The following CACNA2D3 variants were observed in gnomAD, a reference collection of about 807,000 sequenced individuals.
The protein encoded by CACNA2D3 is calcium voltage-gated channel auxiliary subunit alpha2delta 3.
In CACNA2D3, 60 loss-of-function variants were observed where a neutral mutation model predicts 160.6. That is an observed-to-expected ratio of 0.37 (90% confidence interval 0.30 to 0.46). The LOEUF (loss-of-function observed/expected upper bound fraction) is 0.46, where lower values mean the gene tolerates loss of function less well. Ranked by LOEUF, CACNA2D3 falls within the 20% of genes least tolerant of loss-of-function variation. The pLI, the probability that CACNA2D3 is intolerant of heterozygous loss-of-function variation, is 1.00. For missense variants in CACNA2D3, 1,205 were observed against 1,365.0 expected, an observed-to-expected ratio of 0.88 and a Z score of 1.85; for synonymous variants, 558 against 492.9, an observed-to-expected ratio of 1.13 and a Z score of -1.75.
intron 25 of CACNA2D3, chr3:54,894,760 C>T (rs548481218): frequency 3.0e-5 from 13 of 434,372 alleles, no homozygotes; most frequent in South Asian, 1.3e-4. Flanking sequence ...TCATGTCTAG[C>T]GAAAGAAATG....
chr3:54,956,446 T>A (rs1701895145), intron 27 of CACNA2D3, among the ~76,000 whole-genome samples: 1 of 152,208 alleles, frequency 6.6e-6, no homozygotes, highest in Non-Finnish European at 1.5e-5. Context: ...TGTCTTTGTC[T>A]TTTAAAGGCC....
At chr3:54,334,276 G>T (rs1221456744) in intron 3 of CACNA2D3, among the ~76,000 whole-genome samples, 1 of 151,912 alleles carries the variant, frequency 6.6e-6, no homozygotes, top group Non-Finnish European at 1.5e-5. Context: ...CAGTAGAGAC[G>T]GGGTTTCACC....
intron 13 of CACNA2D3, among the ~76,000 whole-genome samples, chr3:54,811,767 C>T (rs1374651872): frequency 6.6e-6 from 1 of 152,118 alleles, no homozygotes; most frequent in South Asian, 2.1e-4. Context: ...TCCCAAAGTG[C>T]TGGGAGCACA....
At chr3:54,736,439 G>T (rs926578190) in intron 11 of CACNA2D3, among the ~76,000 whole-genome samples, 3 of 151,858 alleles carry the variant, frequency 2.0e-5, no homozygotes, top group African/African-American at 7.3e-5. Flanking sequence ...TGATTTCCTA[G>T]AAGTAGGATT....
In CACNA2D3 at chr3:54,393,826, C is replaced by T. The variant is rs528116165; in HGVS notation, c.381+7052C>T. Among the ~76,000 whole-genome samples, 638 of 152,352 alleles carry T rather than the reference C, an allele frequency of 4.2e-3. 5 individuals carry two copies. The highest frequency in any genetic ancestry group is 0.014 in the African/African-American group (595 of 41,578). On this transcript the variant is annotated intron_variant, in intron 4 of 37. Transcript: ENST00000474759. ...ACACCTTGCCCTACTGGCTGAAGAA[C>T]TGTAGTACCCTGCTTCCCTAGAACT...
intron 4 of CACNA2D3, among the ~76,000 whole-genome samples, chr3:54,445,553 T>TACACACACACACAC (rs1371255357): frequency 3.0e-5 from 1 of 32,936 alleles, no homozygotes; most frequent in Non-Finnish European, 6.6e-5. Context: ...TATTTCTATG[T>TACACACACACACAC]ATACACACAC....
chr3:54,288,114 A>G lies in CACNA2D3; in HGVS notation c.205-32328A>G, dbSNP rs554854726. 1.1e-4 allele frequency among the ~76,000 whole-genome samples: 16 copies of G among 152,238 alleles called. No homozygotes were observed. In the East Asian group the frequency reaches 3.1e-3, roughly 29 times the overall value. ...AAATAGAGACCCAAAAAACCCTTCA[A>G]AAAATTAATGAATCCAGGAGCTGGT... On this transcript the variant is annotated intron_variant, in intron 2 of 37. Transcript: ENST00000474759.
chr3:54,447,282 C>T (rs1009240761), intron 4 of CACNA2D3, among the ~76,000 whole-genome samples: 3 of 151,674 alleles, frequency 2.0e-5, no homozygotes, highest in Non-Finnish European at 2.9e-5. Context: ...AATTTGTTGC[C>T]AAGAAGATTA....
chr3:54,302,469 G>C (rs1358688163), intron 2 of CACNA2D3, among the ~76,000 whole-genome samples: 4 of 152,120 alleles, frequency 2.6e-5, no homozygotes, highest in Non-Finnish European at 5.9e-5. Flanking sequence ...AATTCGGCAA[G>C]GTCCCAAGTA....
At chr3:54,781,627 C>T (rs1300896794) in intron 13 of CACNA2D3, among the ~76,000 whole-genome samples, 1 of 152,122 alleles carries the variant, frequency 6.6e-6, no homozygotes, top group Non-Finnish European at 1.5e-5. Flanking sequence ...GTGAACAATC[C>T]AAGCCAATTC....
intron 3 of CACNA2D3, among the ~76,000 whole-genome samples, chr3:54,350,984 T>C (rs1698548257): frequency 2.3e-5 from 1 of 42,844 alleles, no homozygotes; most frequent in Non-Finnish European, 4.8e-5. Context: ...TTTTTTTTGT[T>C]TGTTTTTTTT....
intron 11 of CACNA2D3, among the ~76,000 whole-genome samples, chr3:54,651,398 T>C (rs1386500519): frequency 6.7e-6 from 1 of 149,254 alleles, no homozygotes; most frequent in Non-Finnish European, 1.5e-5. Flanking sequence ...TGCTGTGTAC[T>C]GTGCGTTTTA....
chr3:54,505,073 G>A (rs941041714), intron 5 of CACNA2D3, among the ~76,000 whole-genome samples: 47 of 152,086 alleles, frequency 3.1e-4, no homozygotes, highest in African/African-American at 9.9e-4. Context: ...TTTTTCTTAC[G>A]CGTGTTGGAT....
intron 32 of CACNA2D3, among the ~76,000 whole-genome samples, chr3:55,005,266 C>G (rs1559461284): frequency 6.6e-6 from 1 of 151,492 alleles, no homozygotes; most frequent in African/African-American, 2.4e-5. Context: ...ACAGAGCGAG[C>G]CTGCCTCTCA....
intron 31 of CACNA2D3, among the ~76,000 whole-genome samples, 168 bp downstream of exon 31, chr3:54,987,921 A>C (rs1265945226): frequency 6.6e-6 from 1 of 152,046 alleles, no homozygotes; most frequent in Non-Finnish European, 1.5e-5. Context: ...CACGAGTGTT[A>C]GAGTGTTAGA....
intron 12 of CACNA2D3, among the ~76,000 whole-genome samples, chr3:54,762,191 G>A (rs1238123714): frequency 1.3e-5 from 2 of 152,060 alleles, no homozygotes; most frequent in Non-Finnish European, 2.9e-5. Context: ...CAGTCCTCCT[G>A]CCCATTTCTG....
At chr3:55,027,215 A>G (rs1246452057) in intron 35 of CACNA2D3, among the ~76,000 whole-genome samples, 1 of 152,244 alleles carries the variant, frequency 6.6e-6, no homozygotes, top group Non-Finnish European at 1.5e-5. Context: ...AAAAGGACCC[A>G]TAAACAGTTT....
chr3:54,797,779 C>T (rs1174986631), intron 13 of CACNA2D3, among the ~76,000 whole-genome samples: 1 of 152,164 alleles, frequency 6.6e-6, no homozygotes, highest in African/African-American at 2.4e-5. Flanking sequence ...AGAAAAAAGA[C>T]TTTTATAAAC....
intron 13 of CACNA2D3, among the ~76,000 whole-genome samples, chr3:54,789,133 T>G (rs1702695278): frequency 6.6e-6 from 1 of 152,192 alleles, no homozygotes; most frequent in Non-Finnish European, 1.5e-5. Flanking sequence ...AATATTTTAT[T>G]TAAATATAAG....
Sources: allele counts gnomAD v4.1 joint callset (sites outside exome capture counted in the v4.1 genomes callset), GRCh38; gene constraint gnomAD v4.1.1; transcripts MANE v1.5; gene names NCBI Gene and HGNC (gene_info 2026-07-23, HGNC 2026-07-21).